The following NOD1 variants were observed in gnomAD, a reference collection of about 807,000 sequenced individuals.
The protein encoded by NOD1 is nucleotide binding oligomerization domain containing 1, also known as nucleotide-binding oligomerization domain-containing protein 1.
Under a neutral mutation model 81.2 loss-of-function variants are expected in NOD1, and 70 were observed. The observed-to-expected ratio is 0.86, with a 90% CI of 0.71 to 1.05. NOD1 has a LOEUF of 1.05. NOD1 is among the 50% of genes least tolerant of loss of function. NOD1 has a pLI of 0.00. For missense variants in NOD1, 1,233 were observed against 1,228.0 expected (o/e 1.00, Z -0.06); for synonymous variants, 508 against 526.9 (o/e 0.96, Z 0.49).
At chr7:30,436,319 C>G (rs1419670580) in intron 10 of NOD1, among the ~76,000 whole-genome samples, 1 of 152,230 alleles carries the variant, frequency 6.6e-6, no homozygotes, top group Non-Finnish European at 1.5e-5. Context: ...ACAGCCTGCT[C>G]ACACAACAGT....
At chr7:30,468,930 C>T (rs564509126) in intron 1 of NOD1, 1 of 985,470 alleles carries the variant, frequency 1.0e-6, no homozygotes, top group African/African-American at 1.7e-5. Context: ...CAGACTTCTT[C>T]ACTCTGCAAG....
chr7:30,450,247 G>T (rs2128046535), intron 6 of NOD1, among the ~76,000 whole-genome samples: 1 of 152,076 alleles, frequency 6.6e-6, no homozygotes, highest in South Asian at 2.1e-4. Context: ...AGACTGCCTG[G>T]GGCTACAGAG....
rs756117053 is a variant in NOD1, at chr7:30,451,171, G to T, written c.2201+45C>A. The T allele has an allele frequency of 1.9e-6, 3 of 1,586,064 alleles. No individual in the cohort carries two copies. The African/African-American group carries it at 4.0e-5, about 21-fold the overall frequency. ...GCCATTCCCGATGCCCTCCGAGCCT[G>T]GCCCGCCCGGCCCACCTGTTGCTCC... On this transcript the variant is annotated intron_variant, in intron 6 of 13. Coordinates refer to ENST00000222823, the MANE Select transcript of NOD1 (RefSeq NM_006092.4). The surrounding 1 kb of genome is among the most constrained non-coding windows in gnomAD (Gnocchi z 4.2).
rs1470159413 is a variant in NOD1 at position 30,425,317 on chromosome 7, CCT to C, written c.*319_*320del. ...TGTTGGAATGAGGTGAGGCTGGCCT[CCT>C]CTGTTTGCTCACAGCTTTATTCCTC... On this transcript the variant is annotated 3_prime_UTR_variant, in exon 14 of 14. Coordinates refer to ENST00000222823, the MANE Select transcript of NOD1 (RefSeq NM_006092.4). 1.3e-5 allele frequency: 4 copies of C among 303,862 alleles called. No homozygotes were observed. The highest frequency in any genetic ancestry group is 7.1e-5 in the East Asian group (1 of 14,138). The allele number at this position is 303,862 out of a possible 1,614,324, so 18.8% of individuals were successfully genotyped here.
intron 13 of NOD1, among the ~76,000 whole-genome samples, chr7:30,428,847 G>A (rs754740230): frequency 2.6e-5 from 4 of 152,116 alleles, no homozygotes; most frequent in South Asian, 2.1e-4. Flanking sequence ...GTGGCATGGC[G>A]CTCAATGTCA....
intron 12 of NOD1, among the ~76,000 whole-genome samples, chr7:30,429,809 A>C (rs888408284): frequency 2.6e-5 from 4 of 152,172 alleles, no homozygotes; most frequent in African/African-American, 9.7e-5. Context: ...AGGTGGGTGG[A>C]TCACGAGCTC....
At chr7:30,474,573 G>A (rs1006893131) in intron 1 of NOD1, among the ~76,000 whole-genome samples, 17 of 152,218 alleles carry the variant, frequency 1.1e-4, no homozygotes, top group African/African-American at 3.6e-4. Context: ...TAGATCCCTC[G>A]CGTGTGCGGT....
At chr7:30,473,629 AG>A (rs1788492270) in intron 1 of NOD1, among the ~76,000 whole-genome samples, 1 of 152,240 alleles carries the variant, frequency 6.6e-6, no homozygotes, top group African/African-American at 2.4e-5. Context: ...AGGAGGCGAC[AG>A]GAGGAGTGAG....
In NOD1 at chr7:30,451,702, C is replaced by G. The variant is rs754230553; in HGVS notation, c.1715G>C (p.Gly572Ala). Residue 572 changes from glycine (G) to alanine (A), a missense_variant, in exon 6 of 14, where the codon GGT (glycine) becomes GCT (alanine). Coordinates refer to ENST00000222823, the MANE Select transcript of NOD1 (RefSeq NM_006092.4). This position sits in a 1 kb window ranked among gnomAD's most constrained non-coding sequence, Gnocchi z 4.2. ...CTTGAAGAGGTCTTCCCGCGCCGGA[C>G]CACTGCCCTGCAGGCACTGGAACGG... ...FLPFQCLQGS[G>A]PAREDLFKNK... The G allele has an allele frequency of 6.2e-6, 10 of 1,613,886 alleles. No individual in the cohort carries two copies. In the South Asian group the frequency reaches 6.6e-5, roughly 11 times the overall value.
Position 30,425,367 on chromosome 7 carries a change from T to C in NOD1, c.*271A>G, listed in dbSNP as rs757784518. The stretch of plus-strand genomic sequence containing the variant: ...CTCTAGCTTCAGATAAAAATAATTA[T>C]AATAGGCAATAAAGTCTCTTCACAG... On this transcript the variant is annotated 3_prime_UTR_variant, in exon 14 of 14. Coordinates refer to ENST00000222823, the MANE Select transcript of NOD1 (RefSeq NM_006092.4). 3 of 424,872 alleles carry C rather than the reference T, an allele frequency of 7.1e-6. No homozygotes were observed. The highest frequency in any genetic ancestry group is 8.4e-5 in the East Asian group (2 of 23,682). The allele number at this position is 424,872 out of a possible 1,614,324, so 26.3% of individuals were successfully genotyped here.
Position 30,452,288 on chromosome 7 carries a change from G to A in NOD1, c.1129C>T (p.Gln377Ter), listed in dbSNP as rs747599714. 13 of 1,613,378 alleles carry A rather than the reference G, an allele frequency of 8.1e-6. No homozygotes were observed. The highest frequency in any genetic ancestry group is 9.3e-6 in the Non-Finnish European group (11 of 1,179,830). The change falls in exon 6 of 14, where the codon CAG becomes TAG. Residue 377 changes from glutamine (Q) to a stop codon, truncating the protein, a stop_gained. Coordinates refer to ENST00000222823, the MANE Select transcript of NOD1 (RefSeq NM_006092.4). LOFTEE classifies it high-confidence loss of function. ...ERALQDRLLS[Q>*]LEANPNLCSL... ...CAGAGGTTGGGGTTGGCCTCCAGCT[G>A]GCTCAGCAGGCGGTCCTGCAGGGCC...
At chr7:30,449,461 A>G (rs994528756) in intron 6 of NOD1, among the ~76,000 whole-genome samples, 2 of 152,188 alleles carry the variant, frequency 1.3e-5, no homozygotes, top group African/African-American at 4.8e-5. Flanking sequence ...AAGTGTTCTT[A>G]AAAGATTGAG....
At position 30,451,862 on chromosome 7, in the gene NOD1, T is replaced by G; in HGVS notation, c.1555A>C (p.Thr519Pro). Residue 519 changes from threonine (T) to proline (P), a missense_variant, in exon 6 of 14, where the codon ACC becomes CCC. By Grantham distance (38) the Thr-to-Pro change is conservative. Transcript: ENST00000222823. The surrounding 1 kb of genome is among the most constrained non-coding windows in gnomAD (Gnocchi z 4.2). The stretch of plus-strand genomic sequence containing the variant: ...AAGGCTGTAAAGAAGGCCTGGAGGG[T>G]GAGGTGGAAAAACTCATAGGACTGC... ...DQQSYEFFHL[T>P]LQAFFTAFFL... 6.2e-7 allele frequency: 1 copy of G among 1,613,466 alleles called. No individual in the cohort carries two copies. The highest frequency in any genetic ancestry group is 8.5e-7 in the Non-Finnish European group (1 of 1,179,964).
At chr7:30,459,273 T>C (rs934182181) in intron 2 of NOD1, 33 bp from the exon 3 acceptor site, 2 of 152,666 alleles carry the variant, frequency 1.3e-5, no homozygotes, top group Non-Finnish European at 2.9e-5. Flanking sequence ...AAAAAAATTA[T>C]TGTGGCACAT....
rs559496757 is a variant in NOD1, at chr7:30,464,504, A to C, written c.-351-4463T>G. ...CTAACACCAAGTGTTGTACTAGGGCATCAGCATGGATGTTAAGGCTTTATA... is the reference window on the plus strand; with the variant it reads ...CTAACACCAAGTGTTGTACTAGGGCCTCAGCATGGATGTTAAGGCTTTATA... On this transcript the variant is annotated intron_variant, in intron 1 of 13. Transcript: ENST00000222823. Among the ~76,000 whole-genome samples the C allele has an allele frequency of 3.9e-5, 6 of 152,388 alleles. No individual in the cohort carries two copies. The South Asian group carries it at 1.2e-3, about 32-fold the overall frequency.
At chr7:30,468,482 A>C (rs533916995) in intron 1 of NOD1, among the ~76,000 whole-genome samples, 64 of 152,342 alleles carry the variant, frequency 4.2e-4, no homozygotes, top group African/African-American at 1.5e-3. Context: ...CTATCACCCA[A>C]GTTTAACCAG....
chr7:30,446,988 CATT>C lies in NOD1; in HGVS notation c.2345_2347del (p.Glu782_Cys783delinsGly). On this transcript the variant is annotated inframe_deletion, in exon 8 of 14. Transcript: ENST00000222823. The stretch of plus-strand genomic sequence containing the variant: ...TTACTTAAGATGCGTGAGGCCTTTG[CATT>C]CATCCAGGATTTTGGTGACGTACCT... 2 of 1,614,086 alleles carry C rather than the reference CATT, an allele frequency of 1.2e-6. No homozygotes were observed. The highest frequency in any genetic ancestry group is 1.7e-6 in the Non-Finnish European group (2 of 1,179,946).
chr7:30,451,502 G>C lies in NOD1; in HGVS notation c.1915C>G (p.Gln639Glu). The C allele has an allele frequency of 6.2e-7, 1 of 1,613,160 alleles. No individual in the cohort carries two copies. Reference protein sequence around the residue: ...RGYLKSLPRVQVESFNQVQAM... With the variant: ...RGYLKSLPRVEVESFNQVQAM... ...TGCACCTGGTTGAAGCTTTCGACCT[G>C]AACGCGGGGCAGGCTCTTCAGGTAG... The change falls in exon 6 of 14, where the codon CAG (glutamine) becomes GAG (glutamate). Residue 639 changes from glutamine to glutamate, a missense_variant. Transcript: ENST00000222823. This position sits in a 1 kb window ranked among gnomAD's most constrained non-coding sequence, Gnocchi z 4.2.
chr7:30,448,149 A>G, intron 7 of NOD1, 149 bp downstream of exon 7: 2 of 658,190 alleles, frequency 3.0e-6, no homozygotes, highest in Non-Finnish European at 5.4e-6. Flanking sequence ...AGCCACAAAG[A>G]GAACCCAGGA....
Sources: allele counts gnomAD v4.1 joint callset (sites outside exome capture counted in the v4.1 genomes callset), GRCh38; gene constraint gnomAD v4.1.1; non-coding constraint Gnocchi (gnomAD v3.1); transcripts MANE v1.5; gene names NCBI Gene and HGNC (gene_info 2026-07-23, HGNC 2026-07-21).